The following CDH23 variants were observed in gnomAD, a reference collection of about 807,000 sequenced individuals.
CDH23 encodes cadherin-23.
A neutral mutation model predicts 317.1 loss-of-function variants in CDH23; 189 were observed. That is an observed-to-expected ratio of 0.60 (90% CI 0.53 to 0.67). The LOEUF (loss-of-function observed/expected upper bound fraction) is 0.67, where lower values mean the gene tolerates loss of function less well. Among genes scored for constraint, CDH23 ranks in the 30% least tolerant of loss-of-function variants. CDH23 has a pLI of 0.00. For synonymous variants in CDH23, 1,839 were observed against 1,876.8 expected, an observed-to-expected ratio of 0.98 and a Z score of 0.52; for missense variants, 4,401 against 4,592.4, an observed-to-expected ratio of 0.96 and a Z score of 1.20.
At chr10:71,790,244 G>C in intron 45 of CDH23, 44 bp from the exon 46 acceptor site, 9 of 1,606,616 alleles carry the variant, frequency 5.6e-6, no homozygotes, top group South Asian at 1.1e-5. Flanking sequence ...GGGAGGGCAG[G>C]GGGCTGGGTT....
chr10:71,438,588 G>A, intron 1 of CDH23, among the ~76,000 whole-genome samples: 1 of 152,044 alleles, frequency 6.6e-6, no homozygotes, highest in East Asian at 1.9e-4. Context: ...AGAATTAAGG[G>A]GTCCACGCTC....
chr10:71,648,695 G>A (rs1460704458), intron 14 of CDH23, among the ~76,000 whole-genome samples: 1 of 152,208 alleles, frequency 6.6e-6, no homozygotes, highest in Non-Finnish European at 1.5e-5. Flanking sequence ...AATGTGAGCC[G>A]AGCCCCTCAG....
intron 6 of CDH23, among the ~76,000 whole-genome samples, chr10:71,547,549 G>A (rs371490595): frequency 1.5e-3 from 222 of 152,338 alleles, no homozygotes; most frequent in Admixed American, 1.4e-3. Flanking sequence ...GTGGCGACAC[G>A]CCCAGATATG....
chr10:71,448,869 G>C (rs1213898736), intron 3 of CDH23, among the ~76,000 whole-genome samples: 1 of 152,180 alleles, frequency 6.6e-6, no homozygotes, highest in Non-Finnish European at 1.5e-5. Context: ...CATGGGTGCA[G>C]GCCTCCCACC....
At chr10:71,599,756 G>A (rs2132471504) in intron 9 of CDH23, among the ~76,000 whole-genome samples, 1 of 152,296 alleles carries the variant, frequency 6.6e-6, no homozygotes, top group Non-Finnish European at 1.5e-5. Context: ...CAGACTTCTG[G>A]TCCACCCATC....
At chr10:71,487,918 C>A (rs1366824017) in intron 3 of CDH23, among the ~76,000 whole-genome samples, 1 of 152,226 alleles carries the variant, frequency 6.6e-6, no homozygotes, top group African/African-American at 2.4e-5. Flanking sequence ...CTCTTTATGA[C>A]CACTTATGCA....
chr10:71,736,469 G>GT (rs1397730373), intron 34 of CDH23, among the ~76,000 whole-genome samples: 1 of 152,240 alleles, frequency 6.6e-6, no homozygotes, highest in African/African-American at 2.4e-5. Context: ...GGCAGGCTGG[G>GT]TAGGGCATGG....
At chr10:71,518,639 G>A (rs1343799786) in intron 6 of CDH23, among the ~76,000 whole-genome samples, 1 of 152,222 alleles carries the variant, frequency 6.6e-6, no homozygotes, top group East Asian at 1.9e-4. Flanking sequence ...CATCAGCTGT[G>A]CACACAGCAT....
intron 6 of CDH23, among the ~76,000 whole-genome samples, chr10:71,528,689 A>G (rs941711572): frequency 1.3e-5 from 2 of 152,190 alleles, no homozygotes; most frequent in African/African-American, 2.4e-5. Flanking sequence ...GTGGAGAGAT[A>G]GGGGTCTATT....
chr10:71,577,839 T>C, intron 8 of CDH23, 75 bp from the exon 9 acceptor site: 1 of 1,282,916 alleles, frequency 7.8e-7, no homozygotes, highest in Non-Finnish European at 1.1e-6. Flanking sequence ...AGGGAAGCTG[T>C]GGGTGCCATG....
intron 3 of CDH23, among the ~76,000 whole-genome samples, chr10:71,485,653 A>G (rs1852309028): frequency 1.3e-5 from 2 of 152,192 alleles, no homozygotes; most frequent in Admixed American, 1.3e-4. Flanking sequence ...GAGGCAGGAG[A>G]TGGTCCTACC....
rs1283599592 is a variant in CDH23 at position 71,732,154 on chromosome 10, G to A, written c.3883G>A (p.Gly1295Ser). ...ATDQAPPFNQ[G>S]FCSVYITLLN... ...TGACCAGGCCCCGCCCTTCAACCAG[G>A]GCTTCTGCAGCGTCTACATCACTCT... The change falls in exon 32 of 70, where the codon GGC (glycine) becomes AGC (serine). Residue 1295 changes from glycine (G) to serine (S), a missense_variant. Physicochemically the swap from Gly to Ser is moderately conservative, Grantham distance 56. Around this residue, in one of 3 missense-constraint regions of CDH23, gnomAD observed 3,068 missense variants for 3,203.3 expected, o/e 0.96. Transcript: ENST00000224721. 1.9e-5 allele frequency: 31 copies of A among 1,613,852 alleles called. No individual in the cohort carries two copies. The highest frequency in any genetic ancestry group is 2.6e-5 in the Non-Finnish European group (31 of 1,179,878).
chr10:71,429,173 G>A (rs537883162), intron 1 of CDH23, among the ~76,000 whole-genome samples: 1 of 152,282 alleles, frequency 6.6e-6, no homozygotes, highest in South Asian at 2.1e-4. Context: ...CGATAAAGCT[G>A]CACAGCAAAA....
At chr10:71,733,421 G>C (rs1018032281) in intron 32 of CDH23, among the ~76,000 whole-genome samples, 2 of 152,126 alleles carry the variant, frequency 1.3e-5, no homozygotes, top group Non-Finnish European at 2.9e-5. Flanking sequence ...GAAAGTAAAG[G>C]GTGTAGAGGC....
At chr10:71,623,856 T>C (rs1861583559) in intron 11 of CDH23, among the ~76,000 whole-genome samples, 6 of 152,202 alleles carry the variant, frequency 3.9e-5, no homozygotes. Flanking sequence ...TTTTGAACTC[T>C]GACCTCAGCC....
chr10:71,700,526 C>A (rs79550680), intron 22 of CDH23, among the ~76,000 whole-genome samples: 1 of 152,214 alleles, frequency 6.6e-6, no homozygotes, highest in African/African-American at 2.4e-5. Flanking sequence ...GCCCTATCTC[C>A]TGTTTGCAAA....
At position 71,802,836 on chromosome 10, in the gene CDH23, C is replaced by G. The variant is rs2132977047; in HGVS notation, c.7483-62C>G. 5.1e-6 allele frequency: 8 copies of G among 1,568,820 alleles called. No individual in the cohort carries two copies. The South Asian group carries it at 9.0e-5, about 18-fold the overall frequency. On this transcript the variant is annotated intron_variant, in intron 53 of 69. Coordinates refer to ENST00000224721, the MANE Select transcript of CDH23 (RefSeq NM_022124.6). ...CTATCCAGGCTTACTCCTGCATGAC[C>G]AGGTCCGCTGAGGCTGCCCCATCCT... is the stretch of plus-strand genomic sequence containing the variant.
chr10:71,461,997 C>T (rs1437956745), intron 3 of CDH23, among the ~76,000 whole-genome samples: 1 of 152,256 alleles, frequency 6.6e-6, no homozygotes, highest in Non-Finnish European at 1.5e-5. Flanking sequence ...AGTCCTCCAT[C>T]ACCCGCCTGG....
At chr10:71,728,191 C>A (rs1430734379) in intron 30 of CDH23, among the ~76,000 whole-genome samples, 9 of 152,076 alleles carry the variant, frequency 5.9e-5, no homozygotes, top group Non-Finnish European at 1.2e-4. Context: ...ATGCAAACTC[C>A]CCCCCGCACC....
Sources: gnomAD v4.1 joint callset for allele counts (sites outside exome capture counted in the v4.1 genomes callset) on GRCh38, gnomAD v4.1.1 for gene constraint, gnomAD v4.1.1 regional missense constraint, MANE v1.5 for transcripts, NCBI Gene and HGNC (gene_info 2026-07-23, HGNC 2026-07-21) for gene names.